Variants in FA2H observed in about 807,000 individuals in gnomAD.
The protein encoded by FA2H is fatty acid alpha-hydroxylase.
FA2H carries 22 observed loss-of-function variants against 44.9 expected under a neutral mutation model. That is an observed-to-expected ratio of 0.49 (90% CI 0.35 to 0.70). The LOEUF (loss-of-function observed/expected upper bound fraction) is 0.70, where lower values mean the gene tolerates loss of function less well. FA2H is among the 30% of genes least tolerant of loss of function. The pLI, the probability that FA2H is intolerant of heterozygous loss-of-function variation, is 0.01. For synonymous variants in FA2H, 243 were observed against 213.2 expected, an observed-to-expected ratio of 1.14 and a Z score of -1.22; for missense variants, 501 against 504.9, an observed-to-expected ratio of 0.99 and a Z score of 0.07.
intron 1 of FA2H, among the ~76,000 whole-genome samples, chr16:74,755,048 C>T (rs181582298): frequency 5.6e-4 from 85 of 152,282 alleles, no homozygotes; most frequent in Non-Finnish European, 8.7e-4. Context: ...CCTAGAAGCC[C>T]GGAGAGGGGC....
At chr16:74,762,965 T>C (rs1567650210) in intron 1 of FA2H, among the ~76,000 whole-genome samples, 1 of 152,340 alleles carries the variant, frequency 6.6e-6, no homozygotes, top group Non-Finnish European at 1.5e-5. Flanking sequence ...CCAGAAGACC[T>C]TGCCTGGCAC....
intron 1 of FA2H, among the ~76,000 whole-genome samples, chr16:74,746,069 G>T (rs72792764): frequency 0.026 from 3,879 of 151,740 alleles, 71 homozygotes; most frequent in Non-Finnish European, 0.035. Flanking sequence ...GGCCTCCTTG[G>T]GATTACAGGC....
chr16:74,736,500 G>A (rs1962183513), intron 2 of FA2H, among the ~76,000 whole-genome samples: 1 of 152,114 alleles, frequency 6.6e-6, no homozygotes, highest in African/African-American at 2.4e-5. Context: ...GTCCTAAATG[G>A]GCAAAACACT....
intron 1 of FA2H, among the ~76,000 whole-genome samples, chr16:74,763,255 G>T (rs547731085): frequency 6.6e-6 from 1 of 152,058 alleles, no homozygotes; most frequent in African/African-American, 2.4e-5. Context: ...TTAACGTTTG[G>T]AATTTTTTTT....
At chr16:74,769,323 C>T (rs1020317605) in intron 1 of FA2H, among the ~76,000 whole-genome samples, 2 of 152,080 alleles carry the variant, frequency 1.3e-5, no homozygotes, top group Non-Finnish European at 2.9e-5. Flanking sequence ...TCTCAAACTC[C>T]TGGGCTCTAG....
chr16:74,716,693 C>T (rs1292267069), intron 5 of FA2H, 94 bp from the exon 6 acceptor site: 23 of 1,393,114 alleles, frequency 1.7e-5, no homozygotes, highest in South Asian at 8.6e-5. Context: ...AGGGGCACAG[C>T]GGCCCAGACA....
At chr16:74,772,345 C>T (rs74024559) in intron 1 of FA2H, among the ~76,000 whole-genome samples, 7 of 152,124 alleles carry the variant, frequency 4.6e-5, no homozygotes, top group Non-Finnish European at 7.4e-5. Context: ...CAAGAAGGCT[C>T]TCTATGCTCC....
At chr16:74,717,532 T>C (rs34089769) in intron 5 of FA2H, among the ~76,000 whole-genome samples, 23,402 of 152,248 alleles carry the variant, frequency 0.15, 2,022 homozygotes, top group African/African-American at 0.22. Flanking sequence ...TTTCAAGCGC[T>C]GAGGTGGCGT....
intron 4 of FA2H, among the ~76,000 whole-genome samples, chr16:74,724,882 C>A (rs1277458227): frequency 6.6e-6 from 1 of 152,200 alleles, no homozygotes; most frequent in Non-Finnish European, 1.5e-5. Context: ...CCGGCCGGAG[C>A]TGGTACTGAG....
In FA2H at chr16:74,770,441, G is replaced by A. The variant is rs149026684; in HGVS notation, c.270+4045C>T. On this transcript the variant is annotated intron_variant, in intron 1 of 6. Coordinates refer to ENST00000219368, the MANE Select transcript of FA2H (RefSeq NM_024306.5). ...CACCCAGGCTGGAGAGTACAGTGGT[G>A]TGATCTGGCTCACTGCAACTTCCGC... 3.1e-3 allele frequency among the ~76,000 whole-genome samples: 472 copies of A among 152,322 alleles called. 3 individuals are homozygous for A. The highest frequency in any genetic ancestry group is 0.011 in the African/African-American group (437 of 41,570).
chr16:74,772,008 T>G (rs1962917613), intron 1 of FA2H, among the ~76,000 whole-genome samples: 2 of 151,204 alleles, frequency 1.3e-5, no homozygotes, highest in Admixed American at 6.6e-5. Flanking sequence ...TGAAGTGCAG[T>G]GGCGTGATCT....
At chr16:74,714,713 A>G (rs533204936) in intron 6 of FA2H, among the ~76,000 whole-genome samples, 50 of 152,320 alleles carry the variant, frequency 3.3e-4, no homozygotes, top group African/African-American at 1.2e-3. Flanking sequence ...CCTTAGCCAC[A>G]CATGGCTACT....
At position 74,727,373 on chromosome 16, in the gene FA2H, C is replaced by A. The variant is rs1464846983; in HGVS notation, c.377G>T (p.Trp126Leu). The A allele has an allele frequency of 6.2e-7, 1 of 1,614,244 alleles. No individual in the cohort carries two copies. Among genetic ancestry groups the A allele is most frequent in the Admixed American group, 1.7e-5 (1 of 60,030 alleles). Residue 126 changes from tryptophan to leucine, a missense_variant, in exon 3 of 7, where the codon TGG (tryptophan) becomes TTG (leucine). Trp to Leu is a moderately conservative substitution (Grantham distance 61). Coordinates refer to ENST00000219368, the MANE Select transcript of FA2H (RefSeq NM_024306.5). ...VVDWDKDLVDWRKPLLWQVGH... is the reference protein window; with the variant it reads ...VVDWDKDLVDLRKPLLWQVGH... ...CACCTGCCACAGGAGAGGCTTTCGC[C>A]AGTCCACCAGGTCCTGCAAGAGATG...
intron 1 of FA2H, among the ~76,000 whole-genome samples, chr16:74,759,719 G>C (rs1962671590): frequency 6.6e-6 from 1 of 152,238 alleles, no homozygotes; most frequent in South Asian, 2.1e-4. Flanking sequence ...GGAAGGCGAG[G>C]TGCTGGCCTG....
chr16:74,772,278 A>G (rs971475100), intron 1 of FA2H, among the ~76,000 whole-genome samples: 1 of 152,156 alleles, frequency 6.6e-6, no homozygotes, highest in African/African-American at 2.4e-5. Context: ...TTCCTGCTAC[A>G]TGCCACCTGG....
chr16:74,719,339 T>C (rs1366882477), intron 4 of FA2H, among the ~76,000 whole-genome samples, 179 bp from the exon 5 acceptor site: 2 of 152,188 alleles, frequency 1.3e-5, no homozygotes, highest in Non-Finnish European at 1.5e-5. Context: ...TGTAGGACTC[T>C]GGTCTGGGTC....
chr16:74,721,681 C>A (rs1221469695), intron 4 of FA2H, among the ~76,000 whole-genome samples: 5 of 152,204 alleles, frequency 3.3e-5, no homozygotes, highest in Non-Finnish European at 7.3e-5. Flanking sequence ...CAGCTCCCTC[C>A]CCACTGCCCT....
chr16:74,722,388 T>C (rs925784454), intron 4 of FA2H, among the ~76,000 whole-genome samples: 2 of 151,666 alleles, frequency 1.3e-5, no homozygotes, highest in South Asian at 2.1e-4. Flanking sequence ...GTAAAAAAAT[T>C]AGCTGGGCAT....
At chr16:74,739,902 C>T (rs1373070908) in intron 2 of FA2H, 121 bp downstream of exon 2, 5 of 824,130 alleles carry the variant, frequency 6.1e-6, no homozygotes, top group Non-Finnish European at 8.6e-6. Context: ...CCTGCTTCTC[C>T]TTCCCCTTCT....
Sources: allele counts gnomAD v4.1 joint callset (sites outside exome capture counted in the v4.1 genomes callset), GRCh38; gene constraint gnomAD v4.1.1; transcripts MANE v1.5; gene names NCBI Gene and HGNC (gene_info 2026-07-23, HGNC 2026-07-21).